ALCAM: variants seen among roughly 807,000 people sequenced by gnomAD.
ALCAM encodes the protein CD166 antigen.
Under a neutral mutation model 70.9 loss-of-function variants are expected in ALCAM, and 30 were observed. The observed-to-expected ratio is 0.42, with a 90% CI of 0.32 to 0.57. ALCAM has a LOEUF of 0.57. ALCAM is among the 20% of genes least tolerant of loss of function. The probability of loss-of-function intolerance (pLI) is 0.11; values close to 1 mark genes in which losing one functional copy is unlikely to be tolerated. For synonymous variants in ALCAM, 249 were observed against 242.5 expected (o/e 1.03, Z -0.25); for missense variants, 591 against 695.1 (o/e 0.85, Z 1.68).
chr3:105,570,809 A>G (rs1940845026), intron 14 of ALCAM, among the ~76,000 whole-genome samples: 1 of 152,238 alleles, frequency 6.6e-6, no homozygotes, highest in Admixed American at 6.5e-5. Context: ...GATTCCATTT[A>G]TGTACAAATT....
chr3:105,496,507 C>G (rs1938742766), intron 1 of ALCAM, among the ~76,000 whole-genome samples: 2 of 152,106 alleles, frequency 1.3e-5, no homozygotes, highest in Non-Finnish European at 2.9e-5. Context: ...GTTACAAAAG[C>G]GTTCTGTCCT....
chr3:105,406,865 C>A (rs549541751), intron 1 of ALCAM, among the ~76,000 whole-genome samples: 2 of 151,534 alleles, frequency 1.3e-5, no homozygotes, highest in Admixed American at 6.6e-5. Context: ...ACAAATGAAA[C>A]GGGAGATATT....
At chr3:105,497,884 A>T (rs1041747829) in intron 1 of ALCAM, among the ~76,000 whole-genome samples, 5 of 152,052 alleles carry the variant, frequency 3.3e-5, no homozygotes, top group African/African-American at 1.2e-4. Context: ...ACAAAAAATT[A>T]GCCGGGCGTG....
At chr3:105,536,771 G>T (rs1366820000) in intron 6 of ALCAM, among the ~76,000 whole-genome samples, 4 of 152,140 alleles carry the variant, frequency 2.6e-5, no homozygotes, top group Admixed American at 6.6e-5. Context: ...CCAATGCAAG[G>T]TTGTAAGGGT....
chr3:105,562,969 C>G (rs1403756815), intron 14 of ALCAM, among the ~76,000 whole-genome samples: 1 of 152,054 alleles, frequency 6.6e-6, no homozygotes, highest in Non-Finnish European at 1.5e-5. Flanking sequence ...CCACGCCTGG[C>G]TAATTTTTGT....
intron 1 of ALCAM, among the ~76,000 whole-genome samples, chr3:105,452,736 ACT>A (rs1179489464): frequency 6.6e-6 from 1 of 151,988 alleles, no homozygotes; most frequent in East Asian, 1.9e-4. Flanking sequence ...ACCAATATCC[ACT>A]GTTTCCTGAC....
At chr3:105,417,261 C>T (rs1936529130) in intron 1 of ALCAM, among the ~76,000 whole-genome samples, 3 of 151,788 alleles carry the variant, frequency 2.0e-5, no homozygotes, top group Non-Finnish European at 1.5e-5. Context: ...TTCCATTTCA[C>T]CCCACTGCTG....
chr3:105,496,843 T>C (rs1381708059), intron 1 of ALCAM, among the ~76,000 whole-genome samples: 2 of 151,606 alleles, frequency 1.3e-5, no homozygotes, highest in East Asian at 3.9e-4. Context: ...TGTGTGTGTG[T>C]GTGTGTGTGT....
intron 1 of ALCAM, among the ~76,000 whole-genome samples, chr3:105,473,613 C>G (rs968010857): frequency 5.9e-5 from 9 of 151,578 alleles, no homozygotes; most frequent in African/African-American, 2.2e-4. Context: ...ATACAATGTG[C>G]ATGACCATAA....
In ALCAM at chr3:105,436,351, A is replaced by G. The variant is rs567012404; in HGVS notation, c.73+68870A>G. ...ACAGTTTATTTTATTTTATTTATTT[A>G]TTTATTTTTGAGACGGAGTCTCACT... is the stretch of plus-strand genomic sequence containing the variant. On this transcript the variant is annotated intron_variant, in intron 1 of 15. Transcript: ENST00000306107. Among the ~76,000 whole-genome samples the G allele has an allele frequency of 5.3e-5, 8 of 151,226 alleles. No homozygotes were observed. In the East Asian group the frequency reaches 1.6e-3, roughly 30 times the overall value.
chr3:105,468,431 A>G (rs563120526), intron 1 of ALCAM, among the ~76,000 whole-genome samples: 2 of 151,462 alleles, frequency 1.3e-5, no homozygotes, highest in African/African-American at 4.8e-5. Context: ...TCTTTTAATC[A>G]TCAGACTGTA....
At chr3:105,547,631 G>T in intron 11 of ALCAM, 108 bp downstream of exon 11, 1 of 1,409,550 alleles carries the variant, frequency 7.1e-7, no homozygotes, top group South Asian at 1.5e-5. Flanking sequence ...TTTGCAGTGT[G>T]TAGGTTGGTT....
intron 1 of ALCAM, among the ~76,000 whole-genome samples, chr3:105,378,045 T>G (rs553899239): frequency 1.1e-4 from 17 of 152,122 alleles, no homozygotes; most frequent in African/African-American, 3.9e-4. Flanking sequence ...AATCATCTTT[T>G]GAACAATTCT....
intron 3 of ALCAM, chr3:105,525,239 T>C (rs1034745988): frequency 2.0e-5 from 20 of 984,978 alleles, no homozygotes; most frequent in Non-Finnish European, 2.0e-5. Context: ...GAAGAGAAAA[T>C]TGTAGAAGAA....
chr3:105,546,573 G>GA (rs887855800), intron 9 of ALCAM, among the ~76,000 whole-genome samples: 1 of 151,448 alleles, frequency 6.6e-6, no homozygotes, highest in African/African-American at 2.4e-5. Context: ...ATAATCATTT[G>GA]AACACTCATT....
chr3:105,490,210 T>C (rs1938543533), intron 1 of ALCAM, among the ~76,000 whole-genome samples: 1 of 152,238 alleles, frequency 6.6e-6, no homozygotes, highest in African/African-American at 2.4e-5. Flanking sequence ...AAGTTTTTAT[T>C]ATCTCACATT....
intron 1 of ALCAM, among the ~76,000 whole-genome samples, chr3:105,517,312 A>T (rs1939409935): frequency 6.6e-6 from 1 of 152,106 alleles, no homozygotes; most frequent in Non-Finnish European, 1.5e-5. Flanking sequence ...CTAACATGCC[A>T]TCCAACTTAC....
At chr3:105,467,811 TC>T in intron 1 of ALCAM, among the ~76,000 whole-genome samples, 1 of 151,212 alleles carries the variant, frequency 6.6e-6, no homozygotes, top group South Asian at 2.1e-4. Context: ...ATGAGGTATC[TC>T]ATTTTGCAAA....
intron 1 of ALCAM, among the ~76,000 whole-genome samples, chr3:105,467,803 G>A (rs943305036): frequency 2.6e-5 from 4 of 151,092 alleles, no homozygotes; most frequent in Admixed American, 6.6e-5. Context: ...CAATTAAAAT[G>A]AGGTATCTCA....
Sources: gnomAD v4.1 joint callset for allele counts (sites outside exome capture counted in the v4.1 genomes callset) on GRCh38, gnomAD v4.1.1 for gene constraint, MANE v1.5 for transcripts, NCBI Gene and HGNC (gene_info 2026-07-23, HGNC 2026-07-21) for gene names.